The following KCNQ3 variants were observed in gnomAD, a reference collection of about 807,000 sequenced individuals.
The protein encoded by KCNQ3 is potassium voltage-gated channel subfamily Q member 3, also known as potassium voltage-gated channel subfamily KQT member 3.
Under a neutral mutation model 92.5 loss-of-function variants are expected in KCNQ3, and 30 were observed. The ratio of observed to expected loss-of-function variants is 0.32; its 90% CI spans 0.24 to 0.44. KCNQ3 has a LOEUF of 0.44. Ranked by LOEUF, KCNQ3 falls within the 20% of genes least tolerant of loss-of-function variation. The pLI, the probability that KCNQ3 is intolerant of heterozygous loss-of-function variation, is 1.00. For missense variants in KCNQ3, 913 were observed against 1,140.3 expected (o/e 0.80, Z 2.87); for synonymous variants, 450 against 468.8 (o/e 0.96, Z 0.52).
At chr8:132,461,525 A>G (rs1201714121) in intron 1 of KCNQ3, among the ~76,000 whole-genome samples, 1 of 152,162 alleles carries the variant, frequency 6.6e-6, no homozygotes, top group Non-Finnish European at 1.5e-5. Flanking sequence ...AGATTGTGCC[A>G]TTGCACTCCA....
chr8:132,310,617 T>G (rs1437997942), intron 1 of KCNQ3, among the ~76,000 whole-genome samples: 1 of 152,180 alleles, frequency 6.6e-6, no homozygotes, highest in Non-Finnish European at 1.5e-5. Context: ...CTTCTCAATG[T>G]GGGCCTGGGC....
rs10691178 is a variant in KCNQ3, at chr8:132,364,694, CGGATGGAT to C, written c.386+115445_386+115452del. Reference sequence around the variant, plus strand: ...ATGGACGGACGGACGGACGGACGGACGGATGGATGGATGGATGGATGGATGGACGATGA... The same window carrying C: ...ATGGACGGACGGACGGACGGACGGACGGATGGATGGATGGATGGACGATGA... On this transcript the variant is annotated intron_variant, in intron 1 of 14. Coordinates refer to ENST00000388996, the MANE Select transcript of KCNQ3 (RefSeq NM_004519.4). Among the ~76,000 whole-genome samples, 116 of 138,036 alleles carry C rather than the reference CGGATGGAT, an allele frequency of 8.4e-4. 2 individuals are homozygous for C. The highest frequency in any genetic ancestry group is 3.0e-3 in the South Asian group (11 of 3,714). 90.6% of individuals were successfully genotyped at this position (138,036 alleles called of 152,430 possible).
chr8:132,310,427 G>A (rs1463538845), intron 1 of KCNQ3, among the ~76,000 whole-genome samples: 11 of 152,372 alleles, frequency 7.2e-5, no homozygotes, highest in South Asian at 4.1e-4. Context: ...TCCACGAGGA[G>A]TGCAGGAGTG....
rs1223970817 is a variant in KCNQ3 at position 132,129,508 on chromosome 8, G to A, written c.2373C>T (p.Ser791=). The A allele has an allele frequency of 1.2e-6, 2 of 1,614,188 alleles. No individual in the cohort carries two copies. Among genetic ancestry groups the A allele is most frequent in the African/African-American group, 1.3e-5 (1 of 75,042 alleles). ...GCTCCTCGTGGTTGACCGACATCAG[G>A]GACAGAGGTGTGTCACTGTCTCGCG... ...SITRDSDTPL[S]LMSVNHEELE... Residue 791 remains serine, a synonymous_variant, in exon 15 of 15, where the codon TCC becomes TCT. Transcript: ENST00000388996. This position sits in a 1 kb window ranked among gnomAD's most constrained non-coding sequence, Gnocchi z 5.9.
At chr8:132,388,932 T>C (rs988327252) in intron 1 of KCNQ3, among the ~76,000 whole-genome samples, 1 of 152,186 alleles carries the variant, frequency 6.6e-6, no homozygotes, top group Admixed American at 6.5e-5. Context: ...TACCGACACA[T>C]ACATGGATAA....
Position 132,162,281 on chromosome 8 carries a change from A to C in KCNQ3, c.1262+1187T>G, listed in dbSNP as rs560832051. 2.0e-4 allele frequency among the ~76,000 whole-genome samples: 31 copies of C among 152,330 alleles called. 1 individual carries two copies. The South Asian group carries it at 6.4e-3, about 32-fold the overall frequency. ...TCATGTCTGTATAGAAAAGGCTCTA[A>C]AGGTAGATTTAATAATTCACTTGCA... On this transcript the variant is annotated intron_variant, in intron 9 of 14. Coordinates refer to ENST00000388996, the MANE Select transcript of KCNQ3 (RefSeq NM_004519.4).
chr8:132,456,035 G>A (rs559461055), intron 1 of KCNQ3, among the ~76,000 whole-genome samples: 14 of 152,028 alleles, frequency 9.2e-5, no homozygotes, highest in Non-Finnish European at 2.1e-4. Context: ...ATGAGCCACC[G>A]TGCCCGGCCG....
At chr8:132,327,305 C>T (rs1052235522) in intron 1 of KCNQ3, among the ~76,000 whole-genome samples, 2 of 152,168 alleles carry the variant, frequency 1.3e-5, no homozygotes, top group African/African-American at 4.8e-5. Flanking sequence ...CACTCTAAAA[C>T]CTTTTTTGCC....
intron 1 of KCNQ3, among the ~76,000 whole-genome samples, chr8:132,339,778 T>C (rs1229101711): frequency 6.6e-6 from 1 of 152,088 alleles, no homozygotes; most frequent in Non-Finnish European, 1.5e-5. Context: ...CTGACAGTAT[T>C]AGAAAGATTA....
chr8:132,219,102 C>T (rs1262952828), intron 1 of KCNQ3, among the ~76,000 whole-genome samples: 1 of 152,184 alleles, frequency 6.6e-6, no homozygotes, highest in African/African-American at 2.4e-5. Flanking sequence ...AAGGTCAATA[C>T]CGGCAAATGG....
Position 132,480,440 on chromosome 8 carries a change from C to T in KCNQ3, c.93G>A (p.Gly31=), listed in dbSNP as rs2130875298. ...GGGGAANPAG[G]DAAAAGDEER... is the part of the protein sequence containing the mutation. ...CCTCGTCGCCGGCCGCCGCCGCGTCCCCTCCGGCTGGGTTAGCCGCCCCGC... is the reference window on the plus strand; with the variant it reads ...CCTCGTCGCCGGCCGCCGCCGCGTCTCCTCCGGCTGGGTTAGCCGCCCCGC... Residue 31 remains glycine (G), a synonymous_variant, in exon 1 of 15, where the codon GGG becomes GGA. Transcript: ENST00000388996. The T allele has an allele frequency of 7.0e-7, 1 of 1,430,254 alleles. No homozygotes were observed. Among genetic ancestry groups the T allele is most frequent in the Non-Finnish European group, 9.1e-7 (1 of 1,093,200 alleles). 88.6% of individuals were successfully genotyped at this position (1,430,254 alleles called of 1,614,324 possible). A position where few individuals can be genotyped will look rare whatever the true frequency, so the allele number is the denominator to read the frequency against.
intron 1 of KCNQ3, among the ~76,000 whole-genome samples, chr8:132,413,576 T>A (rs1208135660): frequency 6.6e-6 from 1 of 152,152 alleles, no homozygotes; most frequent in Non-Finnish European, 1.5e-5. Context: ...CAGGCCAGAA[T>A]CCGAGAGGAA....
At chr8:132,155,693 A>G (rs988888881) in intron 9 of KCNQ3, among the ~76,000 whole-genome samples, 1 of 152,194 alleles carries the variant, frequency 6.6e-6, no homozygotes, top group African/African-American at 2.4e-5. Flanking sequence ...CAATTCTACT[A>G]TTGTGGCTGG....
intron 9 of KCNQ3, among the ~76,000 whole-genome samples, chr8:132,143,908 T>C (rs1825375459): frequency 2.0e-5 from 3 of 152,182 alleles, no homozygotes; most frequent in Admixed American, 6.5e-5. Context: ...GTTTAAAAAG[T>C]TCAACATTGT....
chr8:132,308,490 A>G (rs572706637), intron 1 of KCNQ3, among the ~76,000 whole-genome samples: 1 of 152,224 alleles, frequency 6.6e-6, no homozygotes, highest in Non-Finnish European at 1.5e-5. Flanking sequence ...CCAAGAAGCC[A>G]TATCAGTGGG....
chr8:132,166,726 GC>G (rs1480555236), intron 8 of KCNQ3, among the ~76,000 whole-genome samples: 1 of 152,046 alleles, frequency 6.6e-6, no homozygotes, highest in Non-Finnish European at 1.5e-5. Context: ...ATCACTGCTA[GC>G]CCCCAAAACA....
chr8:132,401,829 T>G (rs898226667), intron 1 of KCNQ3, among the ~76,000 whole-genome samples: 2 of 152,248 alleles, frequency 1.3e-5, no homozygotes, highest in East Asian at 1.9e-4. Flanking sequence ...CTGCAGTGAT[T>G]CTACCAGCAC....
intron 1 of KCNQ3, among the ~76,000 whole-genome samples, chr8:132,477,956 C>T (rs939149692): frequency 2.6e-5 from 4 of 152,118 alleles, no homozygotes; most frequent in East Asian, 1.9e-4. Flanking sequence ...GCTGTGTGAT[C>T]GCGGACAAGT....
chr8:132,446,507 A>G (rs1410016111), intron 1 of KCNQ3, among the ~76,000 whole-genome samples: 1 of 152,178 alleles, frequency 6.6e-6, no homozygotes, highest in African/African-American at 2.4e-5. Context: ...CTTTAAGCTG[A>G]AAAGCAGAGC....
Sources: gnomAD v4.1 joint callset for allele counts (sites outside exome capture counted in the v4.1 genomes callset) on GRCh38, gnomAD v4.1.1 for gene constraint, Gnocchi (gnomAD v3.1) non-coding constraint, MANE v1.5 for transcripts, NCBI Gene and HGNC (gene_info 2026-07-23, HGNC 2026-07-21) for gene names.